CDH18: variants seen among roughly 807,000 people sequenced by gnomAD.
CDH18 encodes cadherin 18.
A neutral mutation model predicts 67.9 loss-of-function variants in CDH18; 31 were observed. The ratio of observed to expected loss-of-function variants is 0.46; its 90% confidence interval spans 0.34 to 0.62. CDH18 has a LOEUF of 0.62. Ranked by LOEUF, CDH18 falls within the 20% of genes least tolerant of loss-of-function variation. The pLI, the probability that CDH18 is intolerant of heterozygous loss-of-function variation, is 0.01. For missense variants in CDH18, 890 were observed against 975.5 expected, an observed-to-expected ratio of 0.91 and a Z score of 1.17; for synonymous variants, 362 against 347.2, an observed-to-expected ratio of 1.04 and a Z score of -0.48.
intron 2 of CDH18, among the ~76,000 whole-genome samples, chr5:20,163,793 C>T (rs1056054650): frequency 1.1e-4 from 16 of 152,138 alleles, no homozygotes; most frequent in African/African-American, 3.9e-4. Context: ...TGTTGCTGTG[C>T]AAACATACAA....
At chr5:20,094,374 T>C (rs1745699519) in intron 2 of CDH18, among the ~76,000 whole-genome samples, 1 of 152,174 alleles carries the variant, frequency 6.6e-6, no homozygotes, top group Non-Finnish European at 1.5e-5. Flanking sequence ...TGCCTTGTAG[T>C]ATAGTTTGAA....
At chr5:20,358,461 T>G (rs927938857) in intron 1 of CDH18, among the ~76,000 whole-genome samples, 3 of 152,106 alleles carry the variant, frequency 2.0e-5, no homozygotes, top group African/African-American at 4.8e-5. Flanking sequence ...ATAGCTAGCG[T>G]TTTTTGTGGA....
intron 8 of CDH18, among the ~76,000 whole-genome samples, chr5:19,551,903 G>A (rs1460097718): frequency 6.6e-6 from 1 of 152,124 alleles, no homozygotes; most frequent in Non-Finnish European, 1.5e-5. Flanking sequence ...TTTGGAAGGT[G>A]TATGAGACTA....
At chr5:20,190,964 T>A (rs1738489786) in intron 2 of CDH18, among the ~76,000 whole-genome samples, 1 of 152,164 alleles carries the variant, frequency 6.6e-6, no homozygotes, top group South Asian at 2.1e-4. Flanking sequence ...CAGCACCATA[T>A]GTCTACCTTT....
chr5:19,783,294 G>C (rs559824017), intron 3 of CDH18, among the ~76,000 whole-genome samples: 1 of 152,206 alleles, frequency 6.6e-6, no homozygotes, highest in East Asian at 1.9e-4. Context: ...GGTACAATTA[G>C]ATAAGAAGTC....
At chr5:20,320,363 A>AAG in intron 1 of CDH18, among the ~76,000 whole-genome samples, 1 of 152,312 alleles carries the variant, frequency 6.6e-6, no homozygotes, top group East Asian at 1.9e-4. Flanking sequence ...CACAAAAAAA[A>AAG]GAACCACTGA....
chr5:19,820,252 C>T (rs1235813380), intron 3 of CDH18, among the ~76,000 whole-genome samples: 1 of 152,074 alleles, frequency 6.6e-6, no homozygotes, highest in Non-Finnish European at 1.5e-5. Context: ...CCTAAGGCAG[C>T]CCTAGAGCCC....
At chr5:20,220,569 A>T (rs1741144190) in intron 2 of CDH18, among the ~76,000 whole-genome samples, 1 of 151,994 alleles carries the variant, frequency 6.6e-6, no homozygotes, top group Non-Finnish European at 1.5e-5. Context: ...ACTGGGCAAA[A>T]ATTTCTTGGG....
chr5:20,408,517 A>G (rs1746495125), intron 1 of CDH18, among the ~76,000 whole-genome samples: 1 of 151,960 alleles, frequency 6.6e-6, no homozygotes, highest in Non-Finnish European at 1.5e-5. Context: ...TGATTAGTGC[A>G]AATAGACTGT....
intron 2 of CDH18, among the ~76,000 whole-genome samples, chr5:20,065,517 C>G (rs1423198468): frequency 6.6e-6 from 1 of 151,790 alleles, no homozygotes; most frequent in Non-Finnish European, 1.5e-5. Flanking sequence ...GAAGTTATTC[C>G]CCAATAAACC....
At chr5:20,378,677 C>T (rs969724355) in intron 1 of CDH18, among the ~76,000 whole-genome samples, 4 of 151,992 alleles carry the variant, frequency 2.6e-5, no homozygotes, top group African/African-American at 9.7e-5. Context: ...TGCCAAACAC[C>T]GGGTGCTAAC....
At chr5:19,496,020 C>A (rs1742267008) in intron 11 of CDH18, among the ~76,000 whole-genome samples, 1 of 152,044 alleles carries the variant, frequency 6.6e-6, no homozygotes, top group Admixed American at 6.6e-5. Flanking sequence ...TTGTTACATT[C>A]AAAATTTAGA....
In CDH18 at chr5:19,471,678, A is replaced by T. The variant is rs113456906; in HGVS notation, c.*1548T>A. ...CAACAACAAAACATTATCTAAAACA[A>T]TTTGAAAAAAAAAGCCCCACCCAAA... On this transcript the variant is annotated 3_prime_UTR_variant, in exon 13 of 13. Coordinates refer to ENST00000382275, the MANE Select transcript of CDH18 (RefSeq NM_004934.5). Among the ~76,000 whole-genome samples, 556 of 151,526 alleles carry T rather than the reference A, an allele frequency of 3.7e-3. 3 individuals carry two copies. The highest frequency in any genetic ancestry group is 0.013 in the African/African-American group (521 of 40,924).
intron 11 of CDH18, among the ~76,000 whole-genome samples, chr5:19,491,204 G>T: frequency 6.6e-6 from 1 of 152,150 alleles, no homozygotes; most frequent in East Asian, 1.9e-4. Context: ...CCTCGTCCCT[G>T]ACCTTAGATA....
At chr5:20,498,321 C>T (rs1427156639) in intron 1 of CDH18, among the ~76,000 whole-genome samples, 1 of 151,984 alleles carries the variant, frequency 6.6e-6, no homozygotes, top group Non-Finnish European at 1.5e-5. Context: ...CCCTCTTTTC[C>T]AGATGTAACA....
intron 1 of CDH18, among the ~76,000 whole-genome samples, chr5:20,472,570 A>G (rs1752165244): frequency 6.6e-6 from 1 of 152,198 alleles, no homozygotes; most frequent in African/African-American, 2.4e-5. Context: ...TTACTAATTA[A>G]CACAATGAAA....
At chr5:20,114,128 T>A (rs564262700) in intron 2 of CDH18, among the ~76,000 whole-genome samples, 1 of 152,354 alleles carries the variant, frequency 6.6e-6, no homozygotes, top group East Asian at 1.9e-4. Context: ...CCCAGATATA[T>A]GCAACATCAT....
chr5:20,487,080 G>A (rs985461905), intron 1 of CDH18, among the ~76,000 whole-genome samples: 2 of 152,182 alleles, frequency 1.3e-5, no homozygotes, highest in African/African-American at 4.8e-5. Context: ...GGCAGCAGCA[G>A]CACTGGCTGC....
chr5:19,939,982 A>G (rs1326669064), intron 2 of CDH18, among the ~76,000 whole-genome samples: 2 of 151,874 alleles, frequency 1.3e-5, no homozygotes, highest in Admixed American at 6.6e-5. Context: ...GCAAAAATGC[A>G]TAGTTCCTAT....
Sources: allele counts gnomAD v4.1 joint callset (sites outside exome capture counted in the v4.1 genomes callset), GRCh38; gene constraint gnomAD v4.1.1; transcripts MANE v1.5; gene names NCBI Gene and HGNC (gene_info 2026-07-23, HGNC 2026-07-21).